The following TOMM7 variants were observed in gnomAD, a reference collection of about 807,000 sequenced individuals.
TOMM7 encodes translocase of outer mitochondrial membrane 7, also known as mitochondrial import receptor subunit TOM7 homolog.
Under a neutral mutation model 9.5 loss-of-function variants are expected in TOMM7, and 8 were observed. That is an observed-to-expected ratio of 0.84 (90% confidence interval 0.49 to 1.51). TOMM7 has a LOEUF of 1.51. TOMM7 is among the 40% of genes most tolerant of loss of function. The probability of loss-of-function intolerance (pLI) is 0.00; values close to 1 mark genes in which losing one functional copy is unlikely to be tolerated. For synonymous variants in TOMM7, 27 were observed against 21.4 expected (o/e 1.26, Z -0.72); for missense variants, 74 against 63.7 (o/e 1.16, Z -0.55).
rs115412062 is a variant in TOMM7, at chr7:22,814,654, C to T, written c.153-1469G>A. Among the ~76,000 whole-genome samples, 446 of 152,286 alleles carry T rather than the reference C, an allele frequency of 2.9e-3. 3 individuals are homozygous for T. The highest frequency in any genetic ancestry group is 0.01 in the African/African-American group (416 of 41,562). On this transcript the variant is annotated intron_variant, in intron 2 of 2. Coordinates refer to ENST00000358435, the MANE Select transcript of TOMM7 (RefSeq NM_019059.5). The stretch of plus-strand genomic sequence containing the variant: ...TCACATATTTTGCCTAAATGTTTTA[C>T]AAAGACACTGCCCCTTATATATTAA...
intron 1 of TOMM7, 135 bp from the exon 2 acceptor site, chr7:22,818,183 C>G (rs1179104906): frequency 2.8e-6 from 2 of 704,196 alleles, no homozygotes; most frequent in Admixed American, 2.6e-5. Context: ...CCAGTACTAT[C>G]TAAATTTACC....
chr7:22,818,173 C>G lies in TOMM7; in HGVS notation c.104-125G>C, dbSNP rs1477264662. Reference sequence around the variant, plus strand: ...ATAGTTAGAATGATATCTAGACCAACCAGTACTATCTAAATTTACCTACGC... The same window carrying G: ...ATAGTTAGAATGATATCTAGACCAAGCAGTACTATCTAAATTTACCTACGC... On this transcript the variant is annotated intron_variant, in intron 1 of 2. Transcript: ENST00000358435. 3 of 794,234 alleles carry G rather than the reference C, an allele frequency of 3.8e-6. No homozygotes were observed. In the East Asian group the frequency reaches 8.1e-5, roughly 22 times the overall value. 49.2% of individuals were successfully genotyped at this position (794,234 alleles called of 1,614,324 possible).
At chr7:22,814,155 T>C (rs1219925075) in intron 2 of TOMM7, among the ~76,000 whole-genome samples, 2 of 128,078 alleles carry the variant, frequency 1.6e-5, no homozygotes, top group Non-Finnish European at 3.2e-5. Flanking sequence ...GGAAACATGG[T>C]GAAACCCTGT....
intron 1 of TOMM7, chr7:22,822,414 C>A: frequency 1.1e-6 from 1 of 889,432 alleles, no homozygotes; most frequent in Non-Finnish European, 1.7e-6. Context: ...TCCCTACAAT[C>A]CCGAGAAATA....
intron 2 of TOMM7, chr7:22,817,731 T>C (rs1782334862): frequency 5.8e-6 from 2 of 346,094 alleles, no homozygotes; most frequent in Non-Finnish European, 1.1e-5. Context: ...GACGGGAATA[T>C]GAGAAATTTA....
At chr7:22,821,355 A>G (rs1425788068) in intron 1 of TOMM7, among the ~76,000 whole-genome samples, 3 of 149,938 alleles carry the variant, frequency 2.0e-5, no homozygotes, top group Non-Finnish European at 4.4e-5. Context: ...GCTTGCAGTG[A>G]GCTGAGATCG....
intron 2 of TOMM7, among the ~76,000 whole-genome samples, chr7:22,816,508 G>C (rs1397055992): frequency 6.6e-6 from 1 of 152,232 alleles, no homozygotes; most frequent in Non-Finnish European, 1.5e-5. Flanking sequence ...ACTTAGTGGG[G>C]AATCTCTGAA....
At chr7:22,820,360 G>A (rs552240887) in intron 1 of TOMM7, among the ~76,000 whole-genome samples, 32 of 152,298 alleles carry the variant, frequency 2.1e-4, no homozygotes, top group Admixed American at 4.6e-4. Flanking sequence ...TAAAATGAAA[G>A]ATAAACTCTA....
At chr7:22,822,108 G>A in intron 1 of TOMM7, 1 of 1,546,054 alleles carries the variant, frequency 6.5e-7, no homozygotes, top group Non-Finnish European at 8.7e-7. Flanking sequence ...AGTCAGCATA[G>A]CTGTGCGACC....
chr7:22,815,393 T>C (rs1050172749), intron 2 of TOMM7, among the ~76,000 whole-genome samples: 1 of 152,086 alleles, frequency 6.6e-6, no homozygotes, highest in Admixed American at 6.5e-5. Context: ...TGTCAATTCC[T>C]GTCCAAAGGA....
At position 22,822,694 on chromosome 7, in the gene TOMM7, G is replaced by A. The variant is rs778567973; in HGVS notation, c.86C>T (p.Pro29Leu). The change falls in exon 1 of 3, where the codon CCT becomes CTT. Residue 29 changes from proline (P) to leucine (L), a missense_variant. Physicochemically the swap from Pro to Leu is moderately conservative, Grantham distance 98. Transcript: ENST00000358435. ...CCACTGACCCAGGTAAATCACAAGA[G>A]GGATAAAGCCCCAGCGAATGGCAAA... is the stretch of plus-strand genomic sequence containing the variant. ...SQFAIRWGFI[P>L]LVIYLGFKRG... 8.1e-6 allele frequency: 13 copies of A among 1,613,858 alleles called. No individual in the cohort carries two copies. The East Asian group carries it at 2.9e-4, about 36-fold the overall frequency.
Position 22,813,086 on chromosome 7 carries a change from T to G in TOMM7, c.*84A>C, listed in dbSNP as rs1782268968. ...TGCCATCCAACTAGTGACTGAATGATGTCCCATCTCTTATCCGAGCCAGAG... is the reference window on the plus strand; with the variant it reads ...TGCCATCCAACTAGTGACTGAATGAGGTCCCATCTCTTATCCGAGCCAGAG... On this transcript the variant is annotated 3_prime_UTR_variant, in exon 3 of 3. Coordinates refer to ENST00000358435, the MANE Select transcript of TOMM7 (RefSeq NM_019059.5). 1 of 1,413,178 alleles carries G rather than the reference T, an allele frequency of 7.1e-7. No individual in the cohort carries two copies. The highest frequency in any genetic ancestry group is 1.4e-5 in the African/African-American group (1 of 70,704). The allele number at this position is 1,413,178 out of a possible 1,614,324, so 87.5% of individuals were successfully genotyped here.
chr7:22,821,093 G>T (rs1782381855), intron 1 of TOMM7, among the ~76,000 whole-genome samples: 2 of 152,180 alleles, frequency 1.3e-5, no homozygotes, highest in African/African-American at 4.8e-5. Flanking sequence ...TCACCGAACT[G>T]CCTGAGTGGG....
chr7:22,820,868 AG>A (rs1186220711), intron 1 of TOMM7, among the ~76,000 whole-genome samples: 3 of 152,232 alleles, frequency 2.0e-5, no homozygotes, highest in Non-Finnish European at 2.9e-5. Context: ...CTATAATCCC[AG>A]GTTATCAGTT....
intron 2 of TOMM7, among the ~76,000 whole-genome samples, chr7:22,814,879 C>T (rs1287222647): frequency 6.6e-6 from 1 of 152,120 alleles, no homozygotes; most frequent in Non-Finnish European, 1.5e-5. Flanking sequence ...TATGTAGAAA[C>T]AACAGACTTT....
intron 1 of TOMM7, among the ~76,000 whole-genome samples, chr7:22,821,208 G>T (rs923034239): frequency 1.3e-5 from 2 of 151,890 alleles, no homozygotes; most frequent in Non-Finnish European, 2.9e-5. Flanking sequence ...TCAGGAGATC[G>T]AGACCATCCT....
chr7:22,817,386 T>G (rs1782330162), intron 2 of TOMM7: 1 of 156,164 alleles, frequency 6.4e-6, no homozygotes, highest in South Asian at 1.7e-4. Context: ...ATAAAAGCTA[T>G]GTACACACAA....
At chr7:22,816,572 G>A (rs1782319691) in intron 2 of TOMM7, among the ~76,000 whole-genome samples, 1 of 152,270 alleles carries the variant, frequency 6.6e-6, no homozygotes, top group Non-Finnish European at 1.5e-5. Context: ...GGGAGGTGAA[G>A]AAGGTAGTGT....
chr7:22,822,310 G>T, intron 1 of TOMM7: 1 of 1,532,018 alleles, frequency 6.5e-7, no homozygotes, highest in Non-Finnish European at 8.8e-7. Flanking sequence ...TTCCACTTAG[G>T]ACCACATGGA....
Sources: gnomAD v4.1 joint callset for allele counts (sites outside exome capture counted in the v4.1 genomes callset) on GRCh38, gnomAD v4.1.1 for gene constraint, MANE v1.5 for transcripts, NCBI Gene and HGNC (gene_info 2026-07-23, HGNC 2026-07-21) for gene names.